KALRN: variants seen among roughly 807,000 people sequenced by gnomAD.
KALRN encodes kalirin.
In KALRN, 70 loss-of-function variants were observed where a neutral mutation model predicts 353.7. The observed-to-expected ratio is 0.20, with a 90% CI of 0.16 to 0.24. The LOEUF (loss-of-function observed/expected upper bound fraction) is 0.24, where lower values mean the gene tolerates loss of function less well. KALRN is among the 10% of genes least tolerant of loss of function. KALRN has a pLI of 1.00. For synonymous variants in KALRN, 1,391 were observed against 1,434.8 expected, an observed-to-expected ratio of 0.97 and a Z score of 0.69; for missense variants, 2,791 against 3,756.7, an observed-to-expected ratio of 0.74 and a Z score of 6.72.
At chr3:124,612,890 G>A (rs909344501) in intron 34 of KALRN, among the ~76,000 whole-genome samples, 6 of 105,618 alleles carry the variant, frequency 5.7e-5, no homozygotes, top group Admixed American at 3.9e-4. Flanking sequence ...TATATAAATC[G>A]AGCCTATGGG....
chr3:124,307,254 T>C (rs2077790869), intron 6 of KALRN, among the ~76,000 whole-genome samples: 1 of 152,030 alleles, frequency 6.6e-6, no homozygotes, highest in Non-Finnish European at 1.5e-5. Flanking sequence ...AGGAGCAAAT[T>C]TGTAGTAGGC....
intron 34 of KALRN, among the ~76,000 whole-genome samples, chr3:124,610,901 A>G (rs72962889): frequency 0.13 from 19,050 of 152,006 alleles, 1,293 homozygotes; most frequent in Middle Eastern, 0.25. Context: ...GGTGGCGCAC[A>G]CTGTGGTCCC....
In KALRN at chr3:124,495,998, TATATATATATATATACACAC is replaced by T. The variant is rs1301537498; in HGVS notation, c.4833-311_4833-292del. ...ATATATATATATATATATATATATATATATATATATATATACACACACATATATACATACATACACCCCCT... is the reference window on the plus strand; with the variant it reads ...ATATATATATATATATATATATATATACATATATACATACATACACCCCCT... On this transcript the variant is annotated intron_variant, in intron 32 of 59. Transcript: ENST00000682506. Among the ~76,000 whole-genome samples the T allele has an allele frequency of 2.6e-3, 136 of 51,504 alleles. 17 individuals carry two copies. The highest frequency in any genetic ancestry group is 0.012 in the African/African-American group (99 of 8,586). The allele number at this position is 51,504 out of a possible 152,430, so 33.8% of individuals were successfully genotyped here.
At chr3:124,146,347 A>C (rs1578589647) in intron 1 of KALRN, among the ~76,000 whole-genome samples, 1 of 152,240 alleles carries the variant, frequency 6.6e-6, no homozygotes, top group East Asian at 1.9e-4. Context: ...GAATCTAAAA[A>C]TTAAAAAATT....
chr3:124,616,559 C>G (rs1388046396), intron 34 of KALRN, among the ~76,000 whole-genome samples: 1 of 152,164 alleles, frequency 6.6e-6, no homozygotes, highest in Non-Finnish European at 1.5e-5. Flanking sequence ...GCTCTATGTT[C>G]CCTCTGGGGT....
intron 15 of KALRN, among the ~76,000 whole-genome samples, chr3:124,424,242 A>AAG (rs2092917337): frequency 4.6e-5 from 7 of 151,888 alleles, no homozygotes; most frequent in African/African-American, 1.7e-4. Flanking sequence ...TAAGCAAAAA[A>AAG]CCATCTTTCT....
rs536399411 is a variant in KALRN at position 124,272,606 on chromosome 3, G to C, written c.969+3351G>C. Among the ~76,000 whole-genome samples, 7 of 152,122 alleles carry C rather than the reference G, an allele frequency of 4.6e-5. No homozygotes were observed. The East Asian group carries it at 1.4e-3, about 30-fold the overall frequency. ...TGCATGTGCATGTGAGTAGAGGGGT[G>C]GGGAGAGAGGGAGAGAATATTCAAA... On this transcript the variant is annotated intron_variant, in intron 5 of 59. Coordinates refer to ENST00000682506, the MANE Select transcript of KALRN (RefSeq NM_001388419.1).
chr3:124,454,409 T>A (rs931928679), intron 21 of KALRN, among the ~76,000 whole-genome samples: 2 of 152,166 alleles, frequency 1.3e-5, no homozygotes, highest in Non-Finnish European at 2.9e-5. Context: ...TCCACCTACT[T>A]CCTAAGGATG....
At chr3:124,226,905 A>T (rs578184590) in intron 1 of KALRN, among the ~76,000 whole-genome samples, 1 of 152,222 alleles carries the variant, frequency 6.6e-6, no homozygotes, top group South Asian at 2.1e-4. Context: ...CTGACATACA[A>T]CCGCTCGCCT....
At position 124,633,880 on chromosome 3, in the gene KALRN, C is replaced by G. The variant is rs751723982; in HGVS notation, c.5495C>G (p.Pro1832Arg). The G allele has an allele frequency of 6.2e-7, 1 of 1,613,800 alleles. No homozygotes were observed. The highest frequency in any genetic ancestry group is 8.5e-7 in the Non-Finnish European group (1 of 1,179,958). ...ESKKGWGEDE[P>R]DEESHTPLPP... ...AAGAAAGGTTGGGGTGAAGATGAGC[C>G]GGATGAAGAGTCACACACACCCCTC... The change falls in exon 36 of 60, where the codon CCG becomes CGG. Residue 1832 changes from proline to arginine, a missense_variant. By Grantham distance (103) the Pro-to-Arg change is moderately radical (BLOSUM62 -2). This residue lies in a region of KALRN where 1,065 missense variants were observed against 1,156.4 expected (regional missense o/e 0.92). Transcript: ENST00000682506.
intron 33 of KALRN, among the ~76,000 whole-genome samples, chr3:124,511,366 A>G (rs376394636): frequency 1.3e-5 from 2 of 152,146 alleles, no homozygotes; most frequent in East Asian, 3.9e-4. Context: ...AACTAAACTC[A>G]TCATATACCA....
At chr3:124,588,371 G>A (rs536184854) in intron 34 of KALRN, among the ~76,000 whole-genome samples, 2 of 152,322 alleles carry the variant, frequency 1.3e-5, no homozygotes, top group Admixed American at 6.5e-5. Flanking sequence ...ACTGGAATTT[G>A]TGATCAAGGA....
chr3:124,229,731 A>G lies in KALRN; in HGVS notation c.148+1667A>G, dbSNP rs192359872. Among the ~76,000 whole-genome samples, 301 of 152,380 alleles carry G rather than the reference A, an allele frequency of 2.0e-3. 1 individual carries two copies. Among genetic ancestry groups the G allele is most frequent in the African/African-American group, 6.8e-3 (283 of 41,596 alleles). On this transcript the variant is annotated intron_variant, in intron 2 of 59. Coordinates refer to ENST00000682506, the MANE Select transcript of KALRN (RefSeq NM_001388419.1). ...GTAGGTGTGGGAGGTGAGGGCAGGC[A>G]TGCAATGGGAGTGTGCAGAAGACTT...
intron 27 of KALRN, 26 bp downstream of exon 27, chr3:124,477,360 C>T (rs764195168): frequency 2.0e-6 from 3 of 1,516,008 alleles, no homozygotes; most frequent in Non-Finnish European, 2.7e-6. Context: ...CATTCTTGAG[C>T]AGCTGATGAG....
At chr3:124,452,665 A>T (rs946995057) in intron 21 of KALRN, among the ~76,000 whole-genome samples, 104 of 152,092 alleles carry the variant, frequency 6.8e-4, no homozygotes, top group African/African-American at 2.5e-3. Context: ...CTACAAAGGT[A>T]GGTGGAGCCG....
At chr3:124,066,565 A>G (rs1390616607) in intron 1 of KALRN, among the ~76,000 whole-genome samples, 9 of 152,150 alleles carry the variant, frequency 5.9e-5, no homozygotes, top group African/African-American at 1.9e-4. Flanking sequence ...TGAAAGAGCA[A>G]CCTCAAAAGG....
Position 124,659,429 on chromosome 3 carries a change from G to T in KALRN, c.6188G>T (p.Arg2063Ile). ...LSDFLIKPIQ[R>I]ITKYQLLLKD... ...GACTTCCTCATCAAGCCCATTCAGA[G>T]AATAACAAAATACCAGTTGCTCCTC... Residue 2063 changes from arginine (R) to isoleucine (I), a missense_variant, in exon 43 of 60, where the codon AGA becomes ATA. Coordinates refer to ENST00000682506, the MANE Select transcript of KALRN (RefSeq NM_001388419.1). The T allele has an allele frequency of 6.2e-7, 1 of 1,613,706 alleles. No individual in the cohort carries two copies. The highest frequency in any genetic ancestry group is 8.5e-7 in the Non-Finnish European group (1 of 1,179,624).
chr3:124,385,892 C>T (rs948447791), intron 11 of KALRN, among the ~76,000 whole-genome samples: 1 of 151,978 alleles, frequency 6.6e-6, no homozygotes, highest in African/African-American at 2.4e-5. Context: ...TGTATGCATG[C>T]TTGTGTCCCC....
intron 5 of KALRN, among the ~76,000 whole-genome samples, chr3:124,285,767 C>T (rs929925555): frequency 6.6e-6 from 1 of 152,178 alleles, no homozygotes; most frequent in Admixed American, 6.5e-5. Flanking sequence ...AACTCCTGAC[C>T]TCAGATGATC....
Sources: gnomAD v4.1 joint callset for allele counts (sites outside exome capture counted in the v4.1 genomes callset) on GRCh38, gnomAD v4.1.1 for gene constraint, gnomAD v4.1.1 regional missense constraint, MANE v1.5 for transcripts, NCBI Gene and HGNC (gene_info 2026-07-23, HGNC 2026-07-21) for gene names.